The following LSAMP variants were observed in gnomAD, a reference collection of about 807,000 sequenced individuals.
LSAMP encodes limbic system-associated membrane protein.
LSAMP carries 7 observed loss-of-function variants against 38.6 expected under a neutral mutation model. That is an observed-to-expected ratio of 0.18 (90% CI 0.10 to 0.34). The LOEUF is 0.34. LSAMP is among the 10% of genes least tolerant of loss of function. The probability of loss-of-function intolerance (pLI) is 1.00; values close to 1 mark genes in which losing one functional copy is unlikely to be tolerated. For synonymous variants in LSAMP, 154 were observed against 166.8 expected, an observed-to-expected ratio of 0.92 and a Z score of 0.59; for missense variants, 313 against 420.0, an observed-to-expected ratio of 0.75 and a Z score of 2.23.
intron 3 of LSAMP, among the ~76,000 whole-genome samples, chr3:115,884,337 G>T (rs1936396909): frequency 6.6e-6 from 1 of 151,984 alleles, no homozygotes; most frequent in African/African-American, 2.4e-5. Context: ...ATCTCGAGAA[G>T]AACAAATGGT....
intron 1 of LSAMP, among the ~76,000 whole-genome samples, chr3:116,144,265 A>C (rs1709439744): frequency 3.3e-5 from 5 of 151,970 alleles, no homozygotes; most frequent in Admixed American, 3.3e-4. Context: ...GGCTGGGTGC[A>C]ATGGTTCATG....
chr3:116,037,756 C>T (rs1398884155), intron 2 of LSAMP, among the ~76,000 whole-genome samples: 1 of 152,000 alleles, frequency 6.6e-6, no homozygotes, highest in East Asian at 1.9e-4. Flanking sequence ...TTATACTTGG[C>T]CTAGCACACC....
At chr3:116,311,306 T>C (rs1273192743) in intron 1 of LSAMP, among the ~76,000 whole-genome samples, 2 of 152,172 alleles carry the variant, frequency 1.3e-5, no homozygotes, top group Non-Finnish European at 2.9e-5. Context: ...TTCTCAAAAT[T>C]GGCTGGACAT....
chr3:116,174,922 C>T (rs1710300009), intron 1 of LSAMP, among the ~76,000 whole-genome samples: 1 of 152,076 alleles, frequency 6.6e-6, no homozygotes, highest in Non-Finnish European at 1.5e-5. Context: ...TTTCCTATCG[C>T]CTGTCCTTAT....
At chr3:115,899,950 T>G (rs1487968789) in intron 3 of LSAMP, among the ~76,000 whole-genome samples, 1 of 152,170 alleles carries the variant, frequency 6.6e-6, no homozygotes, top group African/African-American at 2.4e-5. Context: ...TTTCTTAAGA[T>G]GTGAAGGAAA....
chr3:115,991,698 G>A (rs1939673735), intron 3 of LSAMP, among the ~76,000 whole-genome samples: 2 of 152,044 alleles, frequency 1.3e-5, no homozygotes, highest in African/African-American at 4.8e-5. Context: ...TAGCCACTCT[G>A]TCTAACCTAT....
chr3:116,297,442 C>T (rs983240057), intron 1 of LSAMP, among the ~76,000 whole-genome samples: 6 of 152,132 alleles, frequency 3.9e-5, no homozygotes, highest in South Asian at 2.1e-4. Flanking sequence ...TATTTAAAAA[C>T]ATAAACTTTC....
At chr3:116,439,736 A>AT (rs1277646406) in intron 1 of LSAMP, among the ~76,000 whole-genome samples, 8 of 152,230 alleles carry the variant, frequency 5.3e-5, no homozygotes, top group East Asian at 1.9e-4. Flanking sequence ...TTATTTATTT[A>AT]TTTTTGAGAC....
At chr3:116,192,358 C>A (rs1710773142) in intron 1 of LSAMP, among the ~76,000 whole-genome samples, 1 of 152,210 alleles carries the variant, frequency 6.6e-6, no homozygotes, top group African/African-American at 2.4e-5. Context: ...AGTTCTAAAT[C>A]CTAGAGCTCC....
Position 115,806,154 on chromosome 3 carries a change from A to G in LSAMP, c.*4163T>C, listed in dbSNP as rs1370932143. ...TCTATAAGCAAATTTCTTTTCGCCA[A>G]ATAATTACAAAACGGAAAAAGTGGG... On this transcript the variant is annotated 3_prime_UTR_variant, in exon 7 of 7. Coordinates refer to ENST00000490035, the MANE Select transcript of LSAMP (RefSeq NM_002338.5). 2.0e-5 allele frequency: 3 copies of G among 152,214 alleles called. No homozygotes were observed. The highest frequency in any genetic ancestry group is 4.8e-5 in the African/African-American group (2 of 41,462). 9.4% of individuals were successfully genotyped at this position (152,214 alleles called of 1,614,324 possible).
chr3:116,155,320 G>A (rs1041645770), intron 1 of LSAMP, among the ~76,000 whole-genome samples: 1 of 152,028 alleles, frequency 6.6e-6, no homozygotes, highest in African/African-American at 2.4e-5. Flanking sequence ...CACCTCCTGG[G>A]TTCAAGTAAT....
chr3:116,272,907 G>A (rs934394494), intron 1 of LSAMP, among the ~76,000 whole-genome samples: 5 of 152,020 alleles, frequency 3.3e-5, no homozygotes, highest in East Asian at 1.9e-4. Flanking sequence ...TTTATGAAAC[G>A]AGCATTTTGG....
rs372778117 is a variant in LSAMP, at chr3:116,214,498, TC to T, written c.156-127943del. Among the ~76,000 whole-genome samples the T allele has an allele frequency of 6.3e-4, 87 of 137,886 alleles. 1 individual carries two copies. Among genetic ancestry groups the T allele is most frequent in the Non-Finnish European group, 1.0e-3 (66 of 64,596 alleles). The allele number at this position is 137,886 out of a possible 152,430, so 90.5% of individuals were successfully genotyped here. A position where few individuals can be genotyped will look rare whatever the true frequency, so the allele number is the denominator to read the frequency against. On this transcript the variant is annotated intron_variant, in intron 1 of 6. Transcript: ENST00000490035. Reference sequence around the variant, plus strand: ...CCCTCAAATAAAGAGTAAAAATGGGTCTTTTTTTTTTTTTTTTTTTTTTGAG... The same window carrying T: ...CCCTCAAATAAAGAGTAAAAATGGGTTTTTTTTTTTTTTTTTTTTTTTGAG...
At chr3:116,120,428 A>G (rs1708848803) in intron 1 of LSAMP, among the ~76,000 whole-genome samples, 1 of 151,732 alleles carries the variant, frequency 6.6e-6, no homozygotes, top group Non-Finnish European at 1.5e-5. Context: ...GGAAGGAGGA[A>G]GGAAGAAAGG....
intron 1 of LSAMP, among the ~76,000 whole-genome samples, chr3:116,327,527 A>G (rs2047790204): frequency 6.6e-6 from 1 of 152,034 alleles, no homozygotes; most frequent in Non-Finnish European, 1.5e-5. Context: ...CCTCTACCAG[A>G]TCCTGAAGCT....
intron 1 of LSAMP, among the ~76,000 whole-genome samples, chr3:116,218,111 A>C (rs2046242295): frequency 1.3e-5 from 2 of 152,132 alleles, no homozygotes; most frequent in Admixed American, 1.3e-4. Context: ...AATTCCGAAG[A>C]GTTCGGGTGG....
chr3:115,920,024 C>T (rs1321261617), intron 3 of LSAMP, among the ~76,000 whole-genome samples: 3 of 150,072 alleles, frequency 2.0e-5, no homozygotes, highest in Non-Finnish European at 4.4e-5. Context: ...CTTAGAATTT[C>T]CTTCCTTGTC....
At chr3:115,818,765 A>ATG (rs1258279408) in intron 6 of LSAMP, among the ~76,000 whole-genome samples, 1 of 101,588 alleles carries the variant, frequency 9.8e-6, no homozygotes, top group Non-Finnish European at 2.1e-5. Context: ...ATATATATAT[A>ATG]TAAGAAAGAA....
chr3:116,029,959 GC>G (rs1338128457), intron 2 of LSAMP, among the ~76,000 whole-genome samples: 5 of 152,060 alleles, frequency 3.3e-5, no homozygotes, highest in African/African-American at 1.2e-4. Flanking sequence ...CCAGACAGTT[GC>G]TACCATCAAA....
Sources: allele counts gnomAD v4.1 joint callset (sites outside exome capture counted in the v4.1 genomes callset), GRCh38; gene constraint gnomAD v4.1.1; transcripts MANE v1.5; gene names NCBI Gene and HGNC (gene_info 2026-07-23, HGNC 2026-07-21).